Variants in CCNB3 observed in about 807,000 individuals in gnomAD.
CCNB3 encodes G2/mitotic-specific cyclin-B3.
A neutral mutation model predicts 68.0 loss-of-function variants in CCNB3; 12 were observed. The ratio of observed to expected loss-of-function variants is 0.18; its 90% CI spans 0.11 to 0.29. The LOEUF is 0.29. Ranked by LOEUF, CCNB3 falls within the 10% of genes least tolerant of loss-of-function variation. The pLI is 1.00. For missense variants in CCNB3, 904 were observed against 993.1 expected, an observed-to-expected ratio of 0.91 and a Z score of 1.21; for synonymous variants, 354 against 388.9, an observed-to-expected ratio of 0.91 and a Z score of 1.06.
At chrX:50,326,112 A>T (rs1922284390) in intron 8 of CCNB3, among the ~76,000 whole-genome samples, 1 of 111,557 alleles carries the variant, frequency 9.0e-6, no homozygotes, top group Admixed American at 9.5e-5. Context: ...ATTCTTTTAA[A>T]CTGCAGCATG....
chrX:50,279,646 A>G (rs1384488719), intron 1 of CCNB3, among the ~76,000 whole-genome samples: 17 of 90,761 alleles, frequency 1.9e-4, no homozygotes, highest in Admixed American at 3.0e-4. Flanking sequence ...ATGAATATGT[A>G]CATTCATCTA....
chrX:50,332,660 C>G lies in CCNB3; in HGVS notation c.3517-9542C>G, dbSNP rs186144635. ...CAGATTTCATTGGCTGTGGTGGATCCAGGCTGGGATTCCTTCTACCTTTAC... is the reference window on the plus strand; with the variant it reads ...CAGATTTCATTGGCTGTGGTGGATCGAGGCTGGGATTCCTTCTACCTTTAC... On this transcript the variant is annotated intron_variant, in intron 8 of 12. Coordinates refer to ENST00000376042, the MANE Select transcript of CCNB3 (RefSeq NM_033031.3). Among the ~76,000 whole-genome samples, 295 of 110,991 alleles carry G rather than the reference C, an allele frequency of 2.7e-3. 2 individuals carry two copies. The highest frequency in any genetic ancestry group is 9.2e-3 in the African/African-American group (282 of 30,491).
chrX:50,227,953 GAATA>G (rs1935937789), intron 1 of CCNB3, among the ~76,000 whole-genome samples: 1 of 81,424 alleles, frequency 1.2e-5, no homozygotes, highest in Non-Finnish European at 2.2e-5. Flanking sequence ...TATATAGAGA[GAATA>G]TATATATAAA....
intron 1 of CCNB3, among the ~76,000 whole-genome samples, chrX:50,226,220 A>G (rs1935773374): frequency 1.4e-5 from 1 of 69,524 alleles, no homozygotes; most frequent in Admixed American, 2.4e-4. Flanking sequence ...ATTTATATAT[A>G]TAGAATATAT....
chrX:50,209,996 T>TA, intron 1 of CCNB3, among the ~76,000 whole-genome samples: 1 of 112,072 alleles, frequency 8.9e-6, no homozygotes, highest in Admixed American at 9.5e-5. Context: ...TTTTAGCTAC[T>TA]AAAAAATTTC....
chrX:50,312,703 C>A, intron 7 of CCNB3, 71 bp downstream of exon 7: 1 of 702,171 alleles, frequency 1.4e-6, no homozygotes, highest in Non-Finnish European at 2.2e-6. Context: ...CTTCAGTGTG[C>A]AAGTTGAAAG....
In CCNB3 at chrX:50,227,669, TAG is replaced by T. The variant is rs1345461767; in HGVS notation, c.-113+22725_-113+22726del. Among the ~76,000 whole-genome samples, 290 of 47,044 alleles carry T rather than the reference TAG, an allele frequency of 6.2e-3. 4 individuals are homozygous for T. Among genetic ancestry groups the T allele is most frequent in the African/African-American group, 0.024 (274 of 11,574 alleles). 40.9% of individuals were successfully genotyped at this position (47,044 alleles called of 115,157 possible). Reference sequence around the variant, plus strand: ...GAGAGAATATATATAAAAATATATATAGAGAGAATATATATATAAATATATAT... The same window carrying T: ...GAGAGAATATATATAAAAATATATATAGAGAATATATATATAAATATATAT... On this transcript the variant is annotated intron_variant, in intron 1 of 12. Coordinates refer to ENST00000376042, the MANE Select transcript of CCNB3 (RefSeq NM_033031.3).
At chrX:50,311,654 T>C (rs1921468575) in intron 6 of CCNB3, among the ~76,000 whole-genome samples, 158 bp downstream of exon 6, 1 of 109,286 alleles carries the variant, frequency 9.2e-6, no homozygotes, top group South Asian at 4.2e-4. Flanking sequence ...AGTAAGTTAT[T>C]GAGAGTATCC....
At chrX:50,212,938 C>A (rs1362334797) in intron 1 of CCNB3, among the ~76,000 whole-genome samples, 2 of 111,253 alleles carry the variant, frequency 1.8e-5, no homozygotes, top group East Asian at 5.7e-4. Context: ...TAACACATAC[C>A]AAAATTTCAG....
Position 50,341,329 on chromosome X carries a change from CAATAAATAAATA to C in CCNB3, c.3517-839_3517-828del, listed in dbSNP as rs199995900. Among the ~76,000 whole-genome samples, 735 of 86,699 alleles carry C rather than the reference CAATAAATAAATA, an allele frequency of 8.5e-3. 7 individuals are homozygous for C. Among genetic ancestry groups the C allele is most frequent in the African/African-American group, 0.026 (637 of 24,240 alleles). 75.3% of individuals were successfully genotyped at this position (86,699 alleles called of 115,157 possible). ...TGGGAGACAGAGCGAAACTCCGTCTCAATAAATAAATAAATAAATAAATAAATAAATAAATAA... is the reference window on the plus strand; with the variant it reads ...TGGGAGACAGAGCGAAACTCCGTCTCAATAAATAAATAAATAAATAAATAA... On this transcript the variant is annotated intron_variant, in intron 8 of 12. Transcript: ENST00000376042.
chrX:50,314,090 G>A, intron 8 of CCNB3, 142 bp downstream of exon 8: 1 of 432,678 alleles, frequency 2.3e-6, no homozygotes, highest in Non-Finnish European at 4.1e-6. Context: ...TCATGATTTA[G>A]GAGGCAAGAT....
At position 50,309,797 on chromosome X, in the gene CCNB3, T is replaced by A; in HGVS notation, c.1628T>A (p.Met543Lys). The change falls in exon 6 of 13, where the codon ATG (methionine) becomes AAG (lysine). Residue 543 changes from methionine to lysine, a missense_variant. Met to Lys is a moderately conservative substitution (Grantham distance 95). Transcript: ENST00000376042. ...LKKKCTTQEMMSICPELLDFQ... is the reference protein window; with the variant it reads ...LKKKCTTQEMKSICPELLDFQ... ...AAAAAGTGTACCACACAAGAGATGA[T>A]GTCCATCTGTCCAGAACTGTTGGAC... The A allele has an allele frequency of 8.3e-7, 1 of 1,208,618 alleles. No homozygotes were observed. The highest frequency in any genetic ancestry group is 1.1e-6 in the Non-Finnish European group (1 of 892,779).
chrX:50,323,481 G>A (rs1042761656), intron 8 of CCNB3, among the ~76,000 whole-genome samples: 1 of 110,048 alleles, frequency 9.1e-6, no homozygotes, highest in African/African-American at 3.3e-5. Context: ...ATGAGTTAAT[G>A]GGTGCAGCAC....
intron 5 of CCNB3, among the ~76,000 whole-genome samples, chrX:50,304,941 A>C (rs1309550275): frequency 1.2e-4 from 14 of 112,327 alleles, no homozygotes; most frequent in African/African-American, 4.2e-4. Context: ...AATGCAAATC[A>C]AAACCATAAT....
chrX:50,227,913 A>G (rs1332663568), intron 1 of CCNB3, among the ~76,000 whole-genome samples: 6 of 85,651 alleles, frequency 7.0e-5, no homozygotes, highest in African/African-American at 2.7e-4. Context: ...GAGAGAATAT[A>G]TATAAATGTA....
intron 4 of CCNB3, among the ~76,000 whole-genome samples, chrX:50,293,344 T>A (rs1360921864): frequency 2.7e-5 from 3 of 110,866 alleles, no homozygotes; most frequent in Non-Finnish European, 5.7e-5. Context: ...TTTTTTAAGG[T>A]TTTTTTGTGT....
rs782465293 is a variant in CCNB3 at position 50,312,708 on chromosome X, TGAAAG to T, written c.3423+78_3423+82del. The T allele has an allele frequency of 4.8e-6, 3 of 630,880 alleles. No homozygotes were observed. In the African/African-American group the frequency reaches 6.8e-5, roughly 14 times the overall value. 52.0% of individuals were successfully genotyped at this position (630,880 alleles called of 1,213,427 possible). ...TCATTCCATCCTTCAGTGTGCAAGT[TGAAAG>T]GGGTGGTAATAATGATGATAAAAAT... On this transcript the variant is annotated intron_variant, in intron 7 of 12. Transcript: ENST00000376042.
Position 50,300,272 on chromosome X carries a change from C to T in CCNB3, c.335+5279C>T, listed in dbSNP as rs782004653. Among the ~76,000 whole-genome samples, 21 of 111,327 alleles carry T rather than the reference C, an allele frequency of 1.9e-4. No homozygotes were observed. In the South Asian group the frequency reaches 6.5e-3, roughly 35 times the overall value. ...GGCATGTTTTTGCAGTGGCTGGTAC[C>T]GGTTGTTCCTTTCCATGTTTAGTGC... On this transcript the variant is annotated intron_variant, in intron 5 of 12. Transcript: ENST00000376042.
At chrX:50,280,231 A>C (rs1325554997) in intron 1 of CCNB3, among the ~76,000 whole-genome samples, 2 of 85,380 alleles carry the variant, frequency 2.3e-5, no homozygotes, top group African/African-American at 1.0e-4. Flanking sequence ...ATATAAATAT[A>C]TGTATAGAAT....
Sources: allele counts gnomAD v4.1 joint callset (sites outside exome capture counted in the v4.1 genomes callset), GRCh38; gene constraint gnomAD v4.1.1; transcripts MANE v1.5; gene names NCBI Gene and HGNC (gene_info 2026-07-23, HGNC 2026-07-21).